TEX11: variants seen among roughly 807,000 people sequenced by gnomAD.
The protein encoded by TEX11 is testis-expressed protein 11.
TEX11 carries 7 observed loss-of-function variants against 84.4 expected under a neutral mutation model. The observed-to-expected ratio is 0.08, with a 90% CI of 0.05 to 0.16. The LOEUF is 0.16. Among genes scored for constraint, TEX11 ranks in the 10% least tolerant of loss-of-function variants. The probability of loss-of-function intolerance (pLI) is 1.00; values close to 1 mark genes in which losing one functional copy is unlikely to be tolerated. For synonymous variants in TEX11, 264 were observed against 222.8 expected, an observed-to-expected ratio of 1.18 and a Z score of -1.64; for missense variants, 551 against 660.5, an observed-to-expected ratio of 0.83 and a Z score of 1.82.
chrX:70,698,130 T>A (rs1282983077), intron 13 of TEX11, among the ~76,000 whole-genome samples: 4 of 111,308 alleles, frequency 3.6e-5, no homozygotes, highest in Non-Finnish European at 7.5e-5. Context: ...CAATTCAGGG[T>A]AATTGGGATA....
At chrX:70,614,394 C>T (rs59747513) in intron 20 of TEX11, among the ~76,000 whole-genome samples, 9,181 of 110,463 alleles carry the variant, frequency 0.083, 843 homozygotes, top group African/African-American at 0.27. Flanking sequence ...TGAACATCAG[C>T]GGTAGGCTGG....
chrX:70,531,030 T>C (rs1157559312), intron 28 of TEX11, among the ~76,000 whole-genome samples: 2 of 110,992 alleles, frequency 1.8e-5, no homozygotes, highest in Non-Finnish European at 3.8e-5. Context: ...ACTTATACTT[T>C]TTCTTCAAAT....
intron 28 of TEX11, among the ~76,000 whole-genome samples, chrX:70,543,190 A>G (rs1306877939): frequency 8.9e-6 from 1 of 111,845 alleles, no homozygotes; most frequent in Non-Finnish European, 1.9e-5. Flanking sequence ...TCAAAAAAAT[A>G]AATAAATAAA....
chrX:70,827,915 AAC>A (rs2091356096), intron 8 of TEX11, among the ~76,000 whole-genome samples: 1 of 111,210 alleles, frequency 9.0e-6, no homozygotes, highest in South Asian at 3.8e-4. Flanking sequence ...CCCCCAGCTC[AAC>A]ACAGAGACAG....
At chrX:70,785,014 G>A (rs1403311252) in intron 9 of TEX11, among the ~76,000 whole-genome samples, 1 of 111,743 alleles carries the variant, frequency 8.9e-6, no homozygotes, top group Non-Finnish European at 1.9e-5. Context: ...AGCCCACATT[G>A]CCAAGACAAT....
intron 8 of TEX11, among the ~76,000 whole-genome samples, chrX:70,819,571 G>C (rs1379337607): frequency 9.0e-6 from 1 of 110,838 alleles, no homozygotes; most frequent in African/African-American, 3.3e-5. Context: ...CATAGTACTA[G>C]AAGTCCCAGC....
At chrX:70,881,397 T>G (rs2091682801) in intron 2 of TEX11, among the ~76,000 whole-genome samples, 2 of 110,638 alleles carry the variant, frequency 1.8e-5, no homozygotes, top group South Asian at 7.6e-4. Context: ...CTTCATATTA[T>G]CAAAATTGAG....
intron 22 of TEX11, 29 bp from the exon 23 acceptor site, chrX:70,607,058 A>G: frequency 9.2e-7 from 1 of 1,086,696 alleles, no homozygotes; most frequent in Non-Finnish European, 1.3e-6. Context: ...TAACATAATA[A>G]TATGAAATTA....
intron 13 of TEX11, among the ~76,000 whole-genome samples, chrX:70,694,641 G>T (rs947394551): frequency 8.9e-6 from 1 of 111,882 alleles, no homozygotes; most frequent in Non-Finnish European, 1.9e-5. Flanking sequence ...GAAAAGCTTG[G>T]CAATTTCTTG....
chrX:70,684,100 A>G (rs2090168094), intron 13 of TEX11, among the ~76,000 whole-genome samples: 1 of 111,861 alleles, frequency 8.9e-6, no homozygotes. Flanking sequence ...AACTGTTTCC[A>G]TGGGACCAAG....
At chrX:70,551,401 G>A (rs1012609923) in intron 28 of TEX11, among the ~76,000 whole-genome samples, 2 of 111,146 alleles carry the variant, frequency 1.8e-5, no homozygotes, top group African/African-American at 6.5e-5. Context: ...TGAATTGCTT[G>A]TAACACAAAG....
chrX:70,555,007 C>T (rs192990016), intron 25 of TEX11, among the ~76,000 whole-genome samples: 4 of 111,660 alleles, frequency 3.6e-5, no homozygotes, highest in Admixed American at 9.6e-5. Flanking sequence ...CTAAGCTAAC[C>T]GCTACTTCCA....
intron 7 of TEX11, among the ~76,000 whole-genome samples, chrX:70,838,295 T>C (rs2091417517): frequency 9.0e-6 from 1 of 110,725 alleles, no homozygotes; most frequent in Admixed American, 9.7e-5. Flanking sequence ...GGCGGCTGTC[T>C]GTAGTCCCAG....
chrX:70,678,576 T>C (rs779363141), intron 15 of TEX11, among the ~76,000 whole-genome samples: 1 of 110,910 alleles, frequency 9.0e-6, no homozygotes, highest in Non-Finnish European at 1.9e-5. Flanking sequence ...AGCGATGACA[T>C]TTCCCTACAC....
At chrX:70,551,749 C>T (rs922068252) in intron 28 of TEX11, among the ~76,000 whole-genome samples, 1 of 111,499 alleles carries the variant, frequency 9.0e-6, no homozygotes, top group Non-Finnish European at 1.9e-5. Flanking sequence ...TACAGGTCTT[C>T]AATGTTCCTT....
intron 9 of TEX11, among the ~76,000 whole-genome samples, chrX:70,761,304 T>C (rs2090907504): frequency 8.9e-6 from 1 of 111,993 alleles, no homozygotes; most frequent in Non-Finnish European, 1.9e-5. Context: ...TAAAGACACA[T>C]GCACACATAT....
chrX:70,885,845 C>T (rs971084187), intron 2 of TEX11, among the ~76,000 whole-genome samples: 4 of 95,518 alleles, frequency 4.2e-5, no homozygotes, highest in Non-Finnish European at 8.0e-5. Context: ...GAGCCAAGAT[C>T]GAGCCACTAC....
At chrX:70,745,927 A>G (rs2090765104) in intron 9 of TEX11, among the ~76,000 whole-genome samples, 2 of 111,043 alleles carry the variant, frequency 1.8e-5, no homozygotes, top group Non-Finnish European at 3.8e-5. Context: ...AACTTCTGCA[A>G]TGGTGATATA....
chrX:70,762,079 G>A (rs751389141), intron 9 of TEX11, among the ~76,000 whole-genome samples: 1 of 111,601 alleles, frequency 9.0e-6, no homozygotes, highest in East Asian at 2.8e-4. Context: ...TAAACATGAA[G>A]GAGAAATGAA....
Sources: gnomAD v4.1 joint callset for allele counts (sites outside exome capture counted in the v4.1 genomes callset) on GRCh38, gnomAD v4.1.1 for gene constraint, MANE v1.5 for transcripts, NCBI Gene and HGNC (gene_info 2026-07-23, HGNC 2026-07-21) for gene names.